Variants in DNAH12 observed in about 807,000 individuals in gnomAD.
The protein encoded by DNAH12 is axonemal beta dynein heavy chain 12.
A neutral mutation model predicts 371.5 loss-of-function variants in DNAH12; 285 were observed. That is an observed-to-expected ratio of 0.77 (90% CI 0.70 to 0.85). The LOEUF (loss-of-function observed/expected upper bound fraction) is 0.85. Ranked by LOEUF, DNAH12 falls within the 40% of genes least tolerant of loss-of-function variation. The probability of loss-of-function intolerance (pLI) is 0.00; values close to 1 mark genes in which losing one functional copy is unlikely to be tolerated. For missense variants in DNAH12, 3,611 were observed against 3,689.4 expected, an observed-to-expected ratio of 0.98 and a Z score of 0.55; for synonymous variants, 1,200 against 1,213.0, an observed-to-expected ratio of 0.99 and a Z score of 0.22.
At chr3:57,531,862 T>C (rs2068861452) in intron 2 of DNAH12, among the ~76,000 whole-genome samples, 1 of 151,654 alleles carries the variant, frequency 6.6e-6, no homozygotes, top group South Asian at 2.1e-4. Flanking sequence ...TGTACTTGAA[T>C]GTCAATTATC....
chr3:57,458,611 T>C (rs145034681), intron 20 of DNAH12, among the ~76,000 whole-genome samples: 116 of 152,344 alleles, frequency 7.6e-4, no homozygotes, highest in African/African-American at 2.6e-3. Flanking sequence ...AAATCCAGTC[T>C]GTTGTCAGTT....
intron 57 of DNAH12, among the ~76,000 whole-genome samples, chr3:57,365,050 G>A (rs1458095600): frequency 1.3e-5 from 2 of 152,194 alleles, no homozygotes; most frequent in African/African-American, 4.8e-5. Context: ...AGACAGTCTG[G>A]TGATTCCTCA....
chr3:57,402,309 CCTT>C (rs2063895635), intron 43 of DNAH12: 1 of 1,001,614 alleles, frequency 1.0e-6, no homozygotes, highest in East Asian at 6.6e-5. Flanking sequence ...GCAATTTCTC[CCTT>C]TTTTTTTTCC....
At chr3:57,426,778 G>C (rs1481166760) in intron 34 of DNAH12, among the ~76,000 whole-genome samples, 1 of 150,450 alleles carries the variant, frequency 6.6e-6, no homozygotes, top group Admixed American at 6.6e-5. Context: ...GAACCTGAAA[G>C]GTGGAGTGCC....
chr3:57,378,442 T>C (rs1243087938), intron 52 of DNAH12, among the ~76,000 whole-genome samples: 1 of 152,150 alleles, frequency 6.6e-6, no homozygotes. Flanking sequence ...TCTCTACAGG[T>C]ACATGTACAT....
intron 25 of DNAH12, among the ~76,000 whole-genome samples, chr3:57,447,054 G>A (rs1010189958): frequency 1.3e-5 from 2 of 152,142 alleles, no homozygotes; most frequent in Non-Finnish European, 2.9e-5. Flanking sequence ...TGCAAAGGGG[G>A]TAAAACACCA....
chr3:57,429,639 T>A, intron 33 of DNAH12, 52 bp downstream of exon 33: 1 of 1,470,532 alleles, frequency 6.8e-7, no homozygotes, highest in Non-Finnish European at 9.1e-7. Context: ...ATTGGCTAAA[T>A]TAAAGAATGA....
At chr3:57,438,443 G>C (rs190599032) in intron 29 of DNAH12, among the ~76,000 whole-genome samples, 123 of 152,174 alleles carry the variant, frequency 8.1e-4, no homozygotes, top group Non-Finnish European at 1.4e-3. Context: ...GAACAATCAG[G>C]CAAGAGAAAG....
At chr3:57,399,205 C>A in intron 43 of DNAH12, among the ~76,000 whole-genome samples, 1 of 151,794 alleles carries the variant, frequency 6.6e-6, no homozygotes, top group African/African-American at 2.4e-5. Flanking sequence ...ATAAAGAATG[C>A]CCCTACAAAT....
intron 11 of DNAH12, among the ~76,000 whole-genome samples, chr3:57,493,473 C>T (rs1483146491): frequency 6.6e-6 from 1 of 152,094 alleles, no homozygotes. Flanking sequence ...GATATCTATA[C>T]AGGGGTCCTA....
chr3:57,521,505 A>G (rs2068443150), intron 4 of DNAH12, among the ~76,000 whole-genome samples: 1 of 152,198 alleles, frequency 6.6e-6, no homozygotes, highest in Non-Finnish European at 1.5e-5. Flanking sequence ...CTCTAAAAAA[A>G]AAGAAAAAAG....
chr3:57,356,439 T>C (rs988876120), intron 59 of DNAH12, among the ~76,000 whole-genome samples: 1 of 119,146 alleles, frequency 8.4e-6, no homozygotes, highest in Non-Finnish European at 1.8e-5. Context: ...TGAGACCTTG[T>C]CTCAAAAATA....
chr3:57,318,621 A>G (rs573941121), intron 65 of DNAH12, among the ~76,000 whole-genome samples: 1 of 152,240 alleles, frequency 6.6e-6, no homozygotes, highest in South Asian at 2.1e-4. Context: ...ATGATGCTCA[A>G]AGGAAATGCT....
intron 49 of DNAH12, among the ~76,000 whole-genome samples, chr3:57,383,753 C>A: frequency 7.7e-6 from 1 of 129,904 alleles, no homozygotes; most frequent in Admixed American, 8.0e-5. Flanking sequence ...GAGTGAGACC[C>A]TGTCTTAAAA....
chr3:57,465,295 AC>A (rs2066168543), intron 17 of DNAH12, among the ~76,000 whole-genome samples: 1 of 152,210 alleles, frequency 6.6e-6, no homozygotes, highest in Non-Finnish European at 1.5e-5. Flanking sequence ...TTTCCTACAA[AC>A]AAAACGTCAG....
At chr3:57,341,751 A>G (rs1162879389) in intron 60 of DNAH12, among the ~76,000 whole-genome samples, 1 of 152,120 alleles carries the variant, frequency 6.6e-6, no homozygotes, top group Non-Finnish European at 1.5e-5. Flanking sequence ...TCACAGAAAT[A>G]GAAAAAAAAA....
chr3:57,540,223 G>T (rs1006306075), intron 2 of DNAH12, among the ~76,000 whole-genome samples: 30 of 151,444 alleles, frequency 2.0e-4, no homozygotes, highest in African/African-American at 6.8e-4. Context: ...GCTAATTTTT[G>T]TATTTTTAGT....
At chr3:57,475,389 A>C (rs1443022026) in intron 13 of DNAH12, among the ~76,000 whole-genome samples, 2 of 152,212 alleles carry the variant, frequency 1.3e-5, no homozygotes, top group African/African-American at 4.8e-5. Context: ...TTATTATAAA[A>C]TAAAAGACTG....
intron 44 of DNAH12, among the ~76,000 whole-genome samples, chr3:57,393,471 C>T (rs1398442516): frequency 6.6e-6 from 1 of 151,360 alleles, no homozygotes; most frequent in African/African-American, 2.4e-5. Flanking sequence ...ACTGAAAATA[C>T]AAAAATTAGC....
Sources: allele counts gnomAD v4.1 joint callset (sites outside exome capture counted in the v4.1 genomes callset), GRCh38; gene constraint gnomAD v4.1.1; transcripts MANE v1.5; gene names NCBI Gene and HGNC (gene_info 2026-07-23, HGNC 2026-07-21).